Variants in SEMA3A observed in about 807,000 individuals in gnomAD.
The protein encoded by SEMA3A is semaphorin 3A.
In SEMA3A, 29 loss-of-function variants were observed where a neutral mutation model predicts 97.9. The observed-to-expected ratio is 0.30, with a 90% CI of 0.22 to 0.40. The LOEUF (loss-of-function observed/expected upper bound fraction) is 0.40, where lower values mean the gene tolerates loss of function less well. Ranked by LOEUF, SEMA3A falls within the 10% of genes least tolerant of loss-of-function variation. The pLI is 1.00. For missense variants in SEMA3A, 763 were observed against 951.3 expected, an observed-to-expected ratio of 0.80 and a Z score of 2.60; for synonymous variants, 321 against 323.7, an observed-to-expected ratio of 0.99 and a Z score of 0.09.
rs146552019 is a variant in SEMA3A, at chr7:84,131,983, G to T, written c.271-2798C>A. On this transcript the variant is annotated intron_variant, in intron 2 of 16. Coordinates refer to ENST00000265362, the MANE Select transcript of SEMA3A (RefSeq NM_006080.3). ...CTGTGTATTTTATTTATTTATTTAT[G>T]TATTTATTTTGTAGCGACAGGGTTT... Among the ~76,000 whole-genome samples, 672 of 151,976 alleles carry T rather than the reference G, an allele frequency of 4.4e-3. 7 individuals are homozygous for T. The highest frequency in any genetic ancestry group is 0.015 in the African/African-American group (638 of 41,456).
At chr7:83,965,880 C>T (rs1164180816) in intron 15 of SEMA3A, among the ~76,000 whole-genome samples, 2 of 149,784 alleles carry the variant, frequency 1.3e-5, no homozygotes, top group Non-Finnish European at 3.0e-5. Flanking sequence ...AGGGTTTCAA[C>T]GTGTTAGCCA....
intron 4 of SEMA3A, among the ~76,000 whole-genome samples, chr7:84,095,352 T>TATATAC (rs1267679108): frequency 5.6e-5 from 2 of 35,598 alleles, no homozygotes; most frequent in Non-Finnish European, 1.3e-4. Flanking sequence ...TTATATTTTT[T>TATATAC]ATATACATAT....
At chr7:84,447,647 G>A (rs944787807) in intron 1 of SEMA3A, among the ~76,000 whole-genome samples, 8 of 152,176 alleles carry the variant, frequency 5.3e-5, no homozygotes, top group African/African-American at 1.7e-4. Flanking sequence ...GGTCTCCTAA[G>A]AGCTGTTCTG....
At chr7:84,024,525 A>T (rs1395380725) in intron 6 of SEMA3A, among the ~76,000 whole-genome samples, 1 of 151,800 alleles carries the variant, frequency 6.6e-6, no homozygotes, top group Non-Finnish European at 1.5e-5. Context: ...CAGCCTGAGC[A>T]AGAGAGGAGA....
rs904851086 is a variant in SEMA3A at position 83,959,052 on chromosome 7, C to T, written c.*2319G>A. On this transcript the variant is annotated 3_prime_UTR_variant, in exon 17 of 17. Coordinates refer to ENST00000265362, the MANE Select transcript of SEMA3A (RefSeq NM_006080.3). ...TTATATCTACAATTTTCTTTGAAAA[C>T]TTAGACCTGATGGTATATAAAGACA... is the stretch of plus-strand genomic sequence containing the variant. 5.9e-5 allele frequency: 9 copies of T among 152,002 alleles called. No individual in the cohort carries two copies. The highest frequency in any genetic ancestry group is 1.0e-4 in the Non-Finnish European group (7 of 67,922). 9.4% of individuals were successfully genotyped at this position (152,002 alleles called of 1,614,324 possible). A position where few individuals can be genotyped will look rare whatever the true frequency, so the allele number is the denominator to read the frequency against.
At chr7:84,326,253 A>G (rs1387547065) in intron 2 of SEMA3A, among the ~76,000 whole-genome samples, 1 of 152,188 alleles carries the variant, frequency 6.6e-6, no homozygotes. Context: ...TTGCTTATGC[A>G]AGGGCATTCA....
intron 1 of SEMA3A, among the ~76,000 whole-genome samples, chr7:84,411,979 C>T (rs1332527555): frequency 6.6e-6 from 1 of 152,086 alleles, no homozygotes; most frequent in African/African-American, 2.4e-5. Context: ...CTTATTTTAA[C>T]ATATGTAATT....
chr7:84,039,686 T>C (rs1792065914), intron 6 of SEMA3A, among the ~76,000 whole-genome samples: 1 of 152,120 alleles, frequency 6.6e-6, no homozygotes, highest in Non-Finnish European at 1.5e-5. Context: ...AGTATTGTGA[T>C]AGTAATCAGT....
chr7:84,363,577 A>G (rs1802775490), intron 2 of SEMA3A, among the ~76,000 whole-genome samples: 1 of 151,942 alleles, frequency 6.6e-6, no homozygotes, highest in Admixed American at 6.6e-5. Flanking sequence ...TCAATTTTAT[A>G]ACACAAACAT....
At chr7:84,272,093 G>T (rs1327362657) in intron 3 of SEMA3A, among the ~76,000 whole-genome samples, 1 of 151,884 alleles carries the variant, frequency 6.6e-6, no homozygotes, top group Non-Finnish European at 1.5e-5. Flanking sequence ...TTGCATACTT[G>T]ATGTAATCAA....
intron 1 of SEMA3A, among the ~76,000 whole-genome samples, chr7:84,144,779 T>C (rs926042608): frequency 6.6e-6 from 1 of 152,140 alleles, no homozygotes; most frequent in Non-Finnish European, 1.5e-5. Flanking sequence ...TTCAAGAAAC[T>C]ATAACAATAA....
intron 1 of SEMA3A, among the ~76,000 whole-genome samples, chr7:84,411,517 C>G (rs975476627): frequency 1.3e-5 from 2 of 151,356 alleles, no homozygotes; most frequent in African/African-American, 2.4e-5. Context: ...AAATAATAGA[C>G]TACTAATATA....
intron 1 of SEMA3A, among the ~76,000 whole-genome samples, chr7:84,143,122 C>G (rs1796345929): frequency 6.6e-6 from 1 of 152,148 alleles, no homozygotes; most frequent in African/African-American, 2.4e-5. Context: ...TAATCATCTT[C>G]TTACAGAACT....
intron 1 of SEMA3A, among the ~76,000 whole-genome samples, chr7:84,467,018 G>T (rs1188601866): frequency 6.6e-6 from 1 of 152,084 alleles, no homozygotes; most frequent in African/African-American, 2.4e-5. Context: ...TGCATGTGAT[G>T]ATTCAGTATG....
chr7:84,007,475 C>T lies in SEMA3A; in HGVS notation c.1018G>A (p.Val340Met), dbSNP rs767607018. 32 of 1,579,390 alleles carry T rather than the reference C, an allele frequency of 2.0e-5. No homozygotes were observed. The highest frequency in any genetic ancestry group is 2.5e-5 in the Non-Finnish European group (29 of 1,162,806). Residue 340 changes from valine (V) to methionine (M), a missense_variant, in exon 10 of 17, where the codon GTG (valine) becomes ATG (methionine). Val to Met is a conservative substitution (Grantham distance 21, BLOSUM62 1). Around this residue, in one of 2 missense-constraint regions of SEMA3A, gnomAD observed 678 missense variants for 881.3 expected, o/e 0.77. Transcript: ENST00000265362. ...TSSNIFKGSA[V>M]CMYSMSDVRR... ...ACATCACTCATGCTATACATACACA[C>T]GGCTGATCCCTTGAAAATGTTACTG...
chr7:84,029,808 T>TACACACAC (rs1282430932), intron 6 of SEMA3A, among the ~76,000 whole-genome samples: 4 of 141,220 alleles, frequency 2.8e-5, no homozygotes, highest in African/African-American at 1.2e-4. Flanking sequence ...ATCCCTTCCA[T>TACACACAC]ATACACACAC....
At chr7:84,260,253 T>C (rs765602959) in intron 3 of SEMA3A, among the ~76,000 whole-genome samples, 4 of 152,206 alleles carry the variant, frequency 2.6e-5, no homozygotes, top group African/African-American at 7.2e-5. Flanking sequence ...AAATAAATAA[T>C]GTGTACTAGG....
chr7:84,436,325 A>G (rs1415550934), intron 1 of SEMA3A, among the ~76,000 whole-genome samples: 1 of 152,198 alleles, frequency 6.6e-6, no homozygotes, highest in Non-Finnish European at 1.5e-5. Context: ...ACAAAAATTG[A>G]TGAGTGGTAC....
chr7:84,304,809 A>C (rs1801112326), intron 3 of SEMA3A, among the ~76,000 whole-genome samples: 1 of 152,026 alleles, frequency 6.6e-6, no homozygotes, highest in African/African-American at 2.4e-5. Flanking sequence ...ATAGCAAATT[A>C]TATACTACTG....
Sources: allele counts gnomAD v4.1 joint callset (sites outside exome capture counted in the v4.1 genomes callset), GRCh38; gene constraint gnomAD v4.1.1; regional missense constraint gnomAD v4.1.1; transcripts MANE v1.5; gene names NCBI Gene and HGNC (gene_info 2026-07-23, HGNC 2026-07-21).